The following PPL variants were observed in gnomAD, a reference collection of about 807,000 sequenced individuals.
PPL encodes the protein 190 kDa paraneoplastic pemphigus antigen.
In PPL, 198 loss-of-function variants were observed where a neutral mutation model predicts 194.4. That is an observed-to-expected ratio of 1.02 (90% CI 0.91 to 1.15). PPL has a LOEUF of 1.15. Ranked by LOEUF, PPL falls within the 50% of genes most tolerant of loss-of-function variation. The pLI, the probability that PPL is intolerant of heterozygous loss-of-function variation, is 0.00. For synonymous variants in PPL, 1,220 were observed against 972.4 expected, an observed-to-expected ratio of 1.25 and a Z score of -4.74; for missense variants, 2,885 against 2,294.8, an observed-to-expected ratio of 1.26 and a Z score of -5.25.
intron 11 of PPL, 86 bp downstream of exon 11, chr16:4,895,175 T>G: frequency 1.4e-6 from 2 of 1,446,916 alleles, no homozygotes; most frequent in Non-Finnish European, 1.8e-6. Context: ...CACAGGCTCC[T>G]GAGAACGGCG....
At chr16:4,886,100 A>G in intron 21 of PPL, 53 bp from the exon 22 acceptor site, 1 of 1,610,076 alleles carries the variant, frequency 6.2e-7, no homozygotes. Context: ...CAGCACATGT[A>G]GGGCCTGTCC....
intron 2 of PPL, among the ~76,000 whole-genome samples, chr16:4,908,497 G>C (rs2088750265): frequency 6.6e-6 from 1 of 151,654 alleles, no homozygotes; most frequent in African/African-American, 2.4e-5. Context: ...TTAATAGTCA[G>C]TAGATACCTC....
At chr16:4,932,733 T>C (rs1244312670) in intron 1 of PPL, among the ~76,000 whole-genome samples, 2 of 152,114 alleles carry the variant, frequency 1.3e-5, no homozygotes, top group South Asian at 2.1e-4. Context: ...TGACTCTTAA[T>C]AGCAGTGTGT....
In PPL at chr16:4,891,843, G is replaced by A. The variant is rs181246047; in HGVS notation, c.1936C>T (p.Arg646Cys). 4 of 1,613,254 alleles carry A rather than the reference G, an allele frequency of 2.5e-6. No individual in the cohort carries two copies. The highest frequency in any genetic ancestry group is 2.2e-5 in the East Asian group (1 of 44,890). Residue 646 changes from arginine to cysteine, a missense_variant, in exon 16 of 22, where the codon CGT (arginine) becomes TGT (cysteine). Transcript: ENST00000345988. ...NQDDTVPESS[R>C]VLDSKGQELA... ...TCCTGCCCCTTGCTGTCCAGGACAC[G>A]GCTGCTCTCAGGCACTGTGTCATCC...
chr16:4,926,294 T>G (rs982540363), intron 1 of PPL, among the ~76,000 whole-genome samples: 1 of 152,208 alleles, frequency 6.6e-6, no homozygotes, highest in African/African-American at 2.4e-5. Flanking sequence ...ATTCAGTAAT[T>G]GCCAAATAAA....
chr16:4,931,640 C>T (rs1014616651), intron 1 of PPL, among the ~76,000 whole-genome samples: 2 of 152,204 alleles, frequency 1.3e-5, no homozygotes, highest in African/African-American at 4.8e-5. Flanking sequence ...GAGCAGAGAG[C>T]AGCTGCACGC....
chr16:4,897,177 A>T (rs899861747), intron 9 of PPL, among the ~76,000 whole-genome samples: 2 of 151,420 alleles, frequency 1.3e-5, no homozygotes, highest in African/African-American at 2.4e-5. Flanking sequence ...TTTACTGAAA[A>T]TACAAAAATT....
chr16:4,886,590 A>C (rs540948030), intron 21 of PPL, among the ~76,000 whole-genome samples: 1 of 152,330 alleles, frequency 6.6e-6, no homozygotes, highest in Admixed American at 6.5e-5. Flanking sequence ...AACATCATGG[A>C]CTTCAGAAAA....
At chr16:4,916,671 A>AT (rs71139664) in intron 1 of PPL, among the ~76,000 whole-genome samples, 22 of 147,700 alleles carry the variant, frequency 1.5e-4, no homozygotes, top group African/African-American at 2.5e-4. Flanking sequence ...TGCCCAGCTA[A>AT]TTTTTTTTTT....
In PPL at chr16:4,890,227, G is replaced by C. The variant is rs370362845; in HGVS notation, c.2270C>G (p.Thr757Arg). 260 of 1,614,080 alleles carry C rather than the reference G, an allele frequency of 1.6e-4. No individual in the cohort carries two copies. The highest frequency in any genetic ancestry group is 2.1e-4 in the Non-Finnish European group (247 of 1,180,038). Residue 757 changes from threonine to arginine, a missense_variant, in exon 18 of 22, where the codon ACA becomes AGA. Physicochemically the swap from Thr to Arg is moderately conservative, Grantham distance 71. Coordinates refer to ENST00000345988, the MANE Select transcript of PPL (RefSeq NM_002705.5). ...GGTCTCCATCTGGCTGAGGCTGTCT[G>C]TCTCCTGGGGCTCGTAACTGGGGAT... is the stretch of plus-strand genomic sequence containing the variant. ...VSIPSYEPQE[T>R]DSLSQMETKL...
rs989192412 is a variant in PPL at position 4,884,379 on chromosome 16, G to A, written c.4276C>T (p.Arg1426Trp). The change falls in exon 22 of 22, where the codon CGG becomes TGG. Residue 1426 changes from arginine (R) to tryptophan (W), a missense_variant. Physicochemically the swap from Arg to Trp is moderately radical, Grantham distance 101. Coordinates refer to ENST00000345988, the MANE Select transcript of PPL (RefSeq NM_002705.5). This position sits in a 1 kb window ranked among gnomAD's most constrained non-coding sequence, Gnocchi z 5.7. The part of the protein sequence containing the change: ...AEREVQRLQQ[R>W]LAALEQEEAE... The stretch of plus-strand genomic sequence containing the variant: ...TCTTCCTGCTCCAGCGCTGCCAGCC[G>A]CTGCTGCAACCGCTGTACCTCGCGC... The A allele has an allele frequency of 2.0e-5, 33 of 1,611,566 alleles. No homozygotes were observed. Among genetic ancestry groups the A allele is most frequent in the Middle Eastern group, 3.3e-4 (2 of 6,044 alleles).
In PPL at chr16:4,891,884, T is replaced by C. The variant is rs1212237129; in HGVS notation, c.1895A>G (p.Glu632Gly). The part of the protein sequence containing the change: ...QQSWELLATH[E>G]NHLNQDDTVP... ...TGTGTCATCCTGATTCAGATGGTTC[T>C]CGTGTGTGGCCAGCAACTCCCAGCT... Residue 632 changes from glutamate (E) to glycine (G), a missense_variant, in exon 16 of 22, where the codon GAG becomes GGG. Glu to Gly is a moderately conservative substitution (Grantham distance 98, BLOSUM62 -2). Transcript: ENST00000345988. 1 of 1,613,606 alleles carries C rather than the reference T, an allele frequency of 6.2e-7. No individual in the cohort carries two copies. The highest frequency in any genetic ancestry group is 1.1e-5 in the South Asian group (1 of 91,084).
chr16:4,887,361 C>T (rs564326026), intron 20 of PPL, 134 bp from the exon 21 acceptor site: 14 of 688,030 alleles, frequency 2.0e-5, no homozygotes, highest in Non-Finnish European at 3.4e-5. Flanking sequence ...TTGCCCACTC[C>T]TGCCTGGAGT....
chr16:4,890,175 C>T lies in PPL; in HGVS notation c.2313+9G>A, dbSNP rs769765102. ...TGTGTGCCTGGGGCTGCGGAAACGG[C>T]CATCTCACCTTCTGGTTCTTCAGCT... On this transcript the variant is annotated intron_variant, in intron 18 of 21. Coordinates refer to ENST00000345988, the MANE Select transcript of PPL (RefSeq NM_002705.5). The T allele has an allele frequency of 7.4e-6, 12 of 1,614,058 alleles. No homozygotes were observed. The highest frequency in any genetic ancestry group is 1.0e-5 in the Non-Finnish European group (12 of 1,180,022).
At position 4,936,961 on chromosome 16, in the gene PPL, C is replaced by T. The variant is rs560290210; in HGVS notation, c.62+23G>A. 55 of 1,581,446 alleles carry T rather than the reference C, an allele frequency of 3.5e-5. 3 individuals are homozygous for T. Among genetic ancestry groups the T allele is most frequent in the African/African-American group, 3.0e-4 (22 of 72,228 alleles). ...CCACAGGGGCAAGAGCGTCCCGGAG[C>T]GGAGCTGTGGGCGCCTCCTCACCTC... On this transcript the variant is annotated intron_variant, in intron 1 of 21. Coordinates refer to ENST00000345988, the MANE Select transcript of PPL (RefSeq NM_002705.5).
In PPL at chr16:4,883,755, C is replaced by A; in HGVS notation, c.4900G>T (p.Asp1634Tyr). The A allele has an allele frequency of 6.2e-7, 1 of 1,614,042 alleles. No individual in the cohort carries two copies. Among genetic ancestry groups the A allele is most frequent in the South Asian group, 1.1e-5 (1 of 91,082 alleles). The change falls in exon 22 of 22, where the codon GAC (aspartate) becomes TAC (tyrosine). Residue 1634 changes from aspartate to tyrosine, a missense_variant. Transcript: ENST00000345988. This position sits in a 1 kb window ranked among gnomAD's most constrained non-coding sequence, Gnocchi z 4.8. ...RLSKDKDLEI[D>Y]ELQKRLGSVA... ...GAGCCCAGGCGCTTCTGCAGCTCGT[C>A]GATCTCGAGGTCTTTGTCCTTGGAG...
At chr16:4,905,089 G>A (rs1186562067) in intron 2 of PPL, among the ~76,000 whole-genome samples, 1 of 152,188 alleles carries the variant, frequency 6.6e-6, no homozygotes. Flanking sequence ...CAGTCCCGCA[G>A]GGGAGGCAGT....
rs1380874200 is a variant in PPL at position 4,893,379 on chromosome 16, G to A, written c.1493-9C>T. Reference sequence around the variant, plus strand: ...CTGTAGGTCAGAGGCATCTGTGGAGGGAGGGAGGACACAGGCAGGTGTGAC... The same window carrying A: ...CTGTAGGTCAGAGGCATCTGTGGAGAGAGGGAGGACACAGGCAGGTGTGAC... On this transcript the variant is annotated splice_polypyrimidine_tract_variant and intron_variant, in intron 13 of 21. Coordinates refer to ENST00000345988, the MANE Select transcript of PPL (RefSeq NM_002705.5). The A allele has an allele frequency of 6.9e-6, 11 of 1,604,594 alleles. No homozygotes were observed. Among genetic ancestry groups the A allele is most frequent in the African/African-American group, 2.7e-5 (2 of 74,904 alleles).
At chr16:4,886,626 T>C (rs2088224445) in intron 21 of PPL, among the ~76,000 whole-genome samples, 1 of 152,266 alleles carries the variant, frequency 6.6e-6, no homozygotes, top group Admixed American at 6.5e-5. Flanking sequence ...TTTGTTTCTT[T>C]CTTTTTTTCT....
Sources: allele counts gnomAD v4.1 joint callset (sites outside exome capture counted in the v4.1 genomes callset), GRCh38; gene constraint gnomAD v4.1.1; non-coding constraint Gnocchi (gnomAD v3.1); transcripts MANE v1.5; gene names NCBI Gene and HGNC (gene_info 2026-07-23, HGNC 2026-07-21).